The following SIN3A variants were observed in gnomAD, a reference collection of about 807,000 sequenced individuals.
The protein encoded by SIN3A is SIN3 transcription regulator family member A.
A neutral mutation model predicts 146.1 loss-of-function variants in SIN3A; 14 were observed. The ratio of observed to expected loss-of-function variants is 0.10; its 90% confidence interval spans 0.06 to 0.15. The LOEUF (loss-of-function observed/expected upper bound fraction) is 0.15, where lower values mean the gene tolerates loss of function less well. Ranked by LOEUF, SIN3A falls within the 10% of genes least tolerant of loss-of-function variation. SIN3A has a pLI of 1.00. For synonymous variants in SIN3A, 572 were observed against 572.0 expected (o/e 1.00, Z 0.00); for missense variants, 1,028 against 1,576.0 (o/e 0.65, Z 5.89).
chr15:75,411,997 A>G (rs762498987), intron 5 of SIN3A, among the ~76,000 whole-genome samples: 7 of 152,236 alleles, frequency 4.6e-5, no homozygotes, highest in African/African-American at 1.2e-4. Flanking sequence ...AATTACAGGG[A>G]AGAATTTTTC....
intron 5 of SIN3A, 111 bp downstream of exon 5, chr15:75,412,652 T>C: frequency 8.9e-7 from 1 of 1,125,288 alleles, no homozygotes; most frequent in East Asian, 2.7e-5. Flanking sequence ...TATGACGAAA[T>C]CTTTGTAACT....
At chr15:75,426,768 GA>G (rs899685157) in intron 2 of SIN3A, among the ~76,000 whole-genome samples, 3 of 151,782 alleles carry the variant, frequency 2.0e-5, no homozygotes, top group African/African-American at 7.3e-5. Flanking sequence ...TGTCTCTATA[GA>G]AAAAATACAA....
intron 1 of SIN3A, among the ~76,000 whole-genome samples, chr15:75,441,298 C>A (rs964769550): frequency 2.0e-5 from 3 of 151,772 alleles, no homozygotes; most frequent in African/African-American, 7.3e-5. Context: ...AGCCAGACTC[C>A]GTCTCAAAAA....
rs1192228834 is a variant in SIN3A, at chr15:75,428,000, T to C, written c.189+2187A>G. 2.0e-5 allele frequency among the ~76,000 whole-genome samples: 3 copies of C among 151,576 alleles called. 1 individual carries two copies. The highest frequency in any genetic ancestry group is 2.0e-4 in the Admixed American group (3 of 15,204). ...ATAAATAAATAAATAAATAAATAAA[T>C]GAATAAAATAAAAAATAAAAAAACC... On this transcript the variant is annotated intron_variant, in intron 2 of 20. Coordinates refer to ENST00000394947, the MANE Select transcript of SIN3A (RefSeq NM_001145358.2).
intron 1 of SIN3A, among the ~76,000 whole-genome samples, chr15:75,449,297 T>C (rs915186554): frequency 1.3e-5 from 2 of 152,216 alleles, no homozygotes; most frequent in Non-Finnish European, 1.5e-5. Flanking sequence ...ACCTACCCTT[T>C]TCACATAAAT....
chr15:75,445,734 C>T, intron 1 of SIN3A, among the ~76,000 whole-genome samples: 1 of 122,724 alleles, frequency 8.1e-6, no homozygotes, highest in East Asian at 2.4e-4. Flanking sequence ...CTGGGCAACA[C>T]AGTGAGACCT....
At position 75,409,879 on chromosome 15, in the gene SIN3A, C is replaced by G. The variant is rs1177415708; in HGVS notation, c.1274G>C (p.Cys425Ser). The change falls in exon 8 of 21, where the codon TGC becomes TCC. Residue 425 changes from cysteine to serine, a missense_variant. By Grantham distance (112) the Cys-to-Ser change is moderately radical (BLOSUM62 -1). Coordinates refer to ENST00000394947, the MANE Select transcript of SIN3A (RefSeq NM_001145358.2). ...NKPQRPSQNG[C>S]QIRRHPTGTT... ...TCCTGTAGGATGTCTGCGGATCTGG[C>G]AGCCATTCTGGCTGGGCCTCTGCGG... is the stretch of plus-strand genomic sequence containing the variant. The G allele has an allele frequency of 3.1e-6, 5 of 1,613,512 alleles. No homozygotes were observed. In the South Asian group the frequency reaches 4.4e-5, roughly 14 times the overall value.
intron 2 of SIN3A, chr15:75,429,985 G>A (rs1442620013): frequency 1.9e-6 from 1 of 540,172 alleles, no homozygotes; most frequent in Middle Eastern, 4.8e-4. Flanking sequence ...GGAGCAGAGT[G>A]GGATACGCAG....
In SIN3A at chr15:75,375,772, G is replaced by C; in HGVS notation, c.3484C>G (p.Leu1162Val). ...TTGAATCTACACTCCAGCTTATCCA[G>C]ACTATCCACATTCTCCATGGTCTTC... is the stretch of plus-strand genomic sequence containing the variant. ...SKKTMENVDS[L>V]DKLECRFKLN... Residue 1162 changes from leucine to valine, a missense_variant, in exon 20 of 21, where the codon CTG (leucine) becomes GTG (valine). Coordinates refer to ENST00000394947, the MANE Select transcript of SIN3A (RefSeq NM_001145358.2). 6.2e-7 allele frequency: 1 copy of C among 1,614,076 alleles called. No individual in the cohort carries two copies. Among genetic ancestry groups the C allele is most frequent in the Non-Finnish European group, 8.5e-7 (1 of 1,179,978 alleles).
intron 17 of SIN3A, among the ~76,000 whole-genome samples, chr15:75,383,141 A>G: frequency 6.6e-6 from 1 of 151,922 alleles, no homozygotes; most frequent in South Asian, 2.1e-4. Context: ...ACATAGTGGT[A>G]CATGACTGTA....
At chr15:75,452,298 C>T (rs1014423466), upstream of SIN3A, among the ~76,000 whole-genome samples, 1 of 152,342 alleles carries the variant, frequency 6.6e-6, no homozygotes, top group South Asian at 2.1e-4. Flanking sequence ...CTTAGCAGTC[C>T]TTTTGTGGAA....
chr15:75,423,012 G>A (rs960009830), intron 2 of SIN3A, among the ~76,000 whole-genome samples, 189 bp from the exon 3 acceptor site: 2 of 152,186 alleles, frequency 1.3e-5, no homozygotes, highest in African/African-American at 4.8e-5. Context: ...AGGCTGCAGT[G>A]AGCTATGATC....
intron 12 of SIN3A, among the ~76,000 whole-genome samples, chr15:75,398,870 G>C (rs77801954): frequency 3.3e-5 from 5 of 151,880 alleles, no homozygotes; most frequent in Non-Finnish European, 5.9e-5. Flanking sequence ...TTAGCCACAG[G>C]GGGTAGGAGG....
At chr15:75,434,199 G>A (rs1176382825) in intron 1 of SIN3A, among the ~76,000 whole-genome samples, 2 of 152,090 alleles carry the variant, frequency 1.3e-5, no homozygotes, top group African/African-American at 4.8e-5. Flanking sequence ...CACACACTTA[G>A]CTAACTCATC....
intron 3 of SIN3A, among the ~76,000 whole-genome samples, chr15:75,417,510 G>T (rs557658220): frequency 1.3e-5 from 2 of 151,640 alleles, no homozygotes; most frequent in Non-Finnish European, 2.9e-5. Flanking sequence ...CTGAGTAGCT[G>T]GGATTCCAGG....
intron 1 of SIN3A, among the ~76,000 whole-genome samples, chr15:75,450,526 G>T (rs1425234464): frequency 6.6e-6 from 1 of 152,154 alleles, no homozygotes; most frequent in Non-Finnish European, 1.5e-5. Context: ...AGCCACGCAC[G>T]CTCCTACAAG....
chr15:75,453,095 G>A (rs530706584), upstream of SIN3A: 2 of 152,374 alleles, frequency 1.3e-5, no homozygotes, highest in Non-Finnish European at 2.9e-5. Context: ...TCCCGAATAA[G>A]TAGAACCCTC....
chr15:75,380,176 C>T (rs544033221), intron 19 of SIN3A, among the ~76,000 whole-genome samples: 27 of 152,204 alleles, frequency 1.8e-4, no homozygotes, highest in Non-Finnish European at 3.2e-4. Flanking sequence ...CATGTGTTGT[C>T]ACATTCATTG....
intron 15 of SIN3A, among the ~76,000 whole-genome samples, chr15:75,390,895 A>G (rs935381543): frequency 2.6e-5 from 4 of 152,188 alleles, no homozygotes; most frequent in Admixed American, 2.6e-4. Flanking sequence ...CACTTCAACA[A>G]AAAGTTGACT....
Sources: allele counts gnomAD v4.1 joint callset (sites outside exome capture counted in the v4.1 genomes callset), GRCh38; gene constraint gnomAD v4.1.1; transcripts MANE v1.5; gene names NCBI Gene and HGNC (gene_info 2026-07-23, HGNC 2026-07-21).